The following ZFR variants were observed in gnomAD, a reference collection of about 807,000 sequenced individuals.
ZFR encodes the protein zinc finger RNA-binding protein.
A neutral mutation model predicts 130.7 loss-of-function variants in ZFR; 19 were observed. The ratio of observed to expected loss-of-function variants is 0.15; its 90% CI spans 0.10 to 0.21. The LOEUF (loss-of-function observed/expected upper bound fraction) is 0.21, where lower values mean the gene tolerates loss of function less well. Among genes scored for constraint, ZFR ranks in the 10% least tolerant of loss-of-function variants. ZFR has a pLI of 1.00. For synonymous variants in ZFR, 466 were observed against 456.9 expected (o/e 1.02, Z -0.25); for missense variants, 872 against 1,321.5 (o/e 0.66, Z 5.27).
chr5:32,385,732 C>T, intron 14 of ZFR, 83 bp from the exon 15 acceptor site: 4 of 1,495,878 alleles, frequency 2.7e-6, no homozygotes, highest in Non-Finnish European at 3.7e-6. Context: ...CTTTCACTCT[C>T]TTACTACCCT....
chr5:32,382,648 C>T (rs1036006623), intron 15 of ZFR, among the ~76,000 whole-genome samples: 3 of 151,956 alleles, frequency 2.0e-5, no homozygotes, highest in Admixed American at 6.6e-5. Flanking sequence ...TCACTCTTGT[C>T]GCCCAGGCCA....
At chr5:32,387,904 T>C (rs1477586580) in intron 13 of ZFR, among the ~76,000 whole-genome samples, 1 of 152,186 alleles carries the variant, frequency 6.6e-6, no homozygotes, top group African/African-American at 2.4e-5. Context: ...CTAAGTTCTT[T>C]ACAGAAAGAC....
chr5:32,363,216 T>C (rs969173051), intron 19 of ZFR, among the ~76,000 whole-genome samples: 1 of 152,246 alleles, frequency 6.6e-6, no homozygotes, highest in Admixed American at 6.5e-5. Flanking sequence ...ATAGCTAGTA[T>C]GCTTTTTTCC....
chr5:32,384,520 TGA>T (rs1752994691), intron 15 of ZFR, among the ~76,000 whole-genome samples: 1 of 152,210 alleles, frequency 6.6e-6, no homozygotes, highest in Non-Finnish European at 1.5e-5. Context: ...AAACAGTAAT[TGA>T]GAGACTACTG....
chr5:32,422,447 C>T (rs773716785), intron 2 of ZFR, among the ~76,000 whole-genome samples: 1 of 152,248 alleles, frequency 6.6e-6, no homozygotes, highest in South Asian at 2.1e-4. Flanking sequence ...TCTAACTCTG[C>T]TCTGTATAGC....
rs1383926360 is a variant in ZFR, at chr5:32,406,766, G to GT, written c.1032+7dup. ...GAAGACTCAAGGTAAAACATACAAC[G>GT]TAAGTACCTGTGGTCCAGCACAGCT... is the stretch of plus-strand genomic sequence containing the variant. On this transcript the variant is annotated splice_region_variant and intron_variant, in intron 6 of 19. Transcript: ENST00000265069. 5.0e-6 allele frequency: 8 copies of GT among 1,605,706 alleles called. No homozygotes were observed. The highest frequency in any genetic ancestry group is 2.7e-5 in the African/African-American group (2 of 74,254).
intron 5 of ZFR, among the ~76,000 whole-genome samples, chr5:32,409,841 C>A (rs957364158): frequency 2.0e-5 from 3 of 152,090 alleles, no homozygotes; most frequent in African/African-American, 7.2e-5. Flanking sequence ...CCAATGGGAT[C>A]CGCTCAAACC....
At chr5:32,432,706 T>C (rs902236999) in intron 2 of ZFR, among the ~76,000 whole-genome samples, 1 of 152,070 alleles carries the variant, frequency 6.6e-6, no homozygotes, top group Admixed American at 6.6e-5. Flanking sequence ...TTTATTACCA[T>C]AGATTTTAGA....
At chr5:32,404,648 G>A (rs1033400243) in intron 6 of ZFR, among the ~76,000 whole-genome samples, 2 of 152,094 alleles carry the variant, frequency 1.3e-5, no homozygotes, top group Non-Finnish European at 2.9e-5. Flanking sequence ...GGGCCAATAT[G>A]GTATATACTT....
At chr5:32,441,214 T>A (rs893800253) in intron 2 of ZFR, among the ~76,000 whole-genome samples, 1 of 152,180 alleles carries the variant, frequency 6.6e-6, no homozygotes, top group African/African-American at 2.4e-5. Context: ...TGACCTCAGG[T>A]GATACACCCG....
At chr5:32,385,862 ATT>A (rs777124728) in intron 14 of ZFR, among the ~76,000 whole-genome samples, 3 of 152,068 alleles carry the variant, frequency 2.0e-5, no homozygotes, top group Non-Finnish European at 4.4e-5. Context: ...AATATTTACC[ATT>A]GTTTGTATTG....
intron 5 of ZFR, among the ~76,000 whole-genome samples, chr5:32,412,670 C>G (rs1011090436): frequency 1.3e-5 from 2 of 152,168 alleles, no homozygotes; most frequent in African/African-American, 4.8e-5. Flanking sequence ...TGTCCTTATT[C>G]TTGGGAAATA....
At position 32,406,772 on chromosome 5, in the gene ZFR, A is replaced by G; in HGVS notation, c.1032+2T>C. The G allele has an allele frequency of 6.2e-7, 1 of 1,607,894 alleles. No homozygotes were observed. The highest frequency in any genetic ancestry group is 8.5e-7 in the Non-Finnish European group (1 of 1,178,582). ...TCAAGGTAAAACATACAACGTAAGT[A>G]CCTGTGGTCCAGCACAGCTGATCTT... On this transcript the variant is annotated splice_donor_variant, in intron 6 of 19. Coordinates refer to ENST00000265069, the MANE Select transcript of ZFR (RefSeq NM_016107.5). LOFTEE classifies it high-confidence loss of function.
At chr5:32,430,102 T>C (rs1390548228) in intron 2 of ZFR, among the ~76,000 whole-genome samples, 4 of 86,914 alleles carry the variant, frequency 4.6e-5, no homozygotes, top group South Asian at 7.1e-4. Context: ...AAAAAAAAAA[T>C]CACGATAAAA....
At chr5:32,359,074 C>A (rs1242882882) in intron 19 of ZFR, among the ~76,000 whole-genome samples, 2 of 152,072 alleles carry the variant, frequency 1.3e-5, no homozygotes, top group Admixed American at 1.3e-4. Context: ...GTGGTTCCAA[C>A]TACTTGCAAG....
At chr5:32,376,757 A>T (rs144280672) in intron 17 of ZFR, among the ~76,000 whole-genome samples, 59 of 152,246 alleles carry the variant, frequency 3.9e-4, no homozygotes, top group African/African-American at 1.4e-3. Flanking sequence ...GAGGCCAAGG[A>T]GGGCAGATCA....
At chr5:32,440,646 CAAAAACAAAAAA>C (rs1754449215) in intron 2 of ZFR, among the ~76,000 whole-genome samples, 1 of 117,166 alleles carries the variant, frequency 8.5e-6, no homozygotes, top group African/African-American at 3.3e-5. Context: ...GACTCTGTCT[CAAAAACAAAAAA>C]AAAAACAAAA....
intron 8 of ZFR, among the ~76,000 whole-genome samples, chr5:32,400,670 C>T (rs1210395929): frequency 1.3e-5 from 2 of 152,044 alleles, no homozygotes; most frequent in South Asian, 2.1e-4. Flanking sequence ...TGAGACCAGC[C>T]GGGGGAACAT....
chr5:32,403,045 G>T, intron 8 of ZFR, 61 bp downstream of exon 8: 1 of 1,530,672 alleles, frequency 6.5e-7, no homozygotes, highest in Non-Finnish European at 8.9e-7. Flanking sequence ...GGTTAGTGCT[G>T]CAATGGAGAA....
Sources: gnomAD v4.1 joint callset for allele counts (sites outside exome capture counted in the v4.1 genomes callset) on GRCh38, gnomAD v4.1.1 for gene constraint, MANE v1.5 for transcripts, NCBI Gene and HGNC (gene_info 2026-07-23, HGNC 2026-07-21) for gene names.